DTNBP1: variants seen among roughly 807,000 people sequenced by gnomAD.
DTNBP1 encodes dystrobrevin binding protein 1.
In DTNBP1, 35 loss-of-function variants were observed where a neutral mutation model predicts 42.8. The ratio of observed to expected loss-of-function variants is 0.82; its 90% CI spans 0.63 to 1.09. The LOEUF (loss-of-function observed/expected upper bound fraction) is 1.09, where lower values mean the gene tolerates loss of function less well. Among genes scored for constraint, DTNBP1 ranks in the 50% least tolerant of loss-of-function variants. DTNBP1 has a pLI of 0.00. For missense variants in DTNBP1, 457 were observed against 424.2 expected (o/e 1.08, Z -0.68); for synonymous variants, 171 against 162.2 (o/e 1.05, Z -0.41).
intron 1 of DTNBP1, chr6:15,660,375 T>C (rs1761534734): frequency 7.8e-7 from 1 of 1,289,758 alleles, no homozygotes; most frequent in Non-Finnish European, 1.0e-6. Flanking sequence ...ATGTAGGAAA[T>C]TGAGGACCTG....
At chr6:15,658,003 A>G (rs1761380356) in intron 1 of DTNBP1, among the ~76,000 whole-genome samples, 1 of 152,114 alleles carries the variant, frequency 6.6e-6, no homozygotes, top group Admixed American at 6.6e-5. Flanking sequence ...CACATACCAC[A>G]CTATTTGTAT....
At chr6:15,532,133 A>AG (rs762115680) in intron 8 of DTNBP1, among the ~76,000 whole-genome samples, 8 of 152,182 alleles carry the variant, frequency 5.3e-5, no homozygotes, top group African/African-American at 7.2e-5. Context: ...GGAGAATGGG[A>AG]GGGCAGGAAA....
At chr6:15,565,460 A>G (rs1273997265) in intron 7 of DTNBP1, among the ~76,000 whole-genome samples, 1 of 152,232 alleles carries the variant, frequency 6.6e-6, no homozygotes, top group Non-Finnish European at 1.5e-5. Context: ...ATGGATAAAT[A>G]AAATGTAATA....
intron 8 of DTNBP1, among the ~76,000 whole-genome samples, chr6:15,531,930 C>G (rs1772862143): frequency 6.6e-6 from 1 of 152,218 alleles, no homozygotes; most frequent in African/African-American, 2.4e-5. Flanking sequence ...CTGCGCCTGG[C>G]CTCATTCTCG....
intron 7 of DTNBP1, among the ~76,000 whole-genome samples, chr6:15,543,127 C>T (rs78666677): frequency 1.1e-4 from 16 of 152,100 alleles, no homozygotes; most frequent in Admixed American, 9.8e-4. Flanking sequence ...GGGACTTTTC[C>T]TATTATAGAT....
intron 3 of DTNBP1, among the ~76,000 whole-genome samples, chr6:15,647,701 C>T (rs1760766499): frequency 1.3e-5 from 2 of 151,684 alleles, no homozygotes; most frequent in African/African-American, 4.8e-5. Context: ...CTGAAGTGGA[C>T]AAATTCCCAC....
chr6:15,589,499 C>T (rs1561977765), intron 7 of DTNBP1, among the ~76,000 whole-genome samples: 1 of 152,234 alleles, frequency 6.6e-6, no homozygotes, highest in Non-Finnish European at 1.5e-5. Flanking sequence ...GTCTCACTAG[C>T]ATCCATGGTT....
At chr6:15,614,886 A>C (rs1016092845) in intron 6 of DTNBP1, among the ~76,000 whole-genome samples, 5 of 152,192 alleles carry the variant, frequency 3.3e-5, no homozygotes, top group African/African-American at 1.2e-4. Flanking sequence ...GCCCCTTTCC[A>C]CAGCCTGAGC....
chr6:15,540,160 T>C (rs1773475354), intron 7 of DTNBP1, among the ~76,000 whole-genome samples: 1 of 152,086 alleles, frequency 6.6e-6, no homozygotes, highest in Non-Finnish European at 1.5e-5. Flanking sequence ...TCAGTACTCT[T>C]AATAAATCTG....
chr6:15,616,284 T>G (rs371440641), intron 5 of DTNBP1, among the ~76,000 whole-genome samples: 1 of 152,216 alleles, frequency 6.6e-6, no homozygotes. Flanking sequence ...GGTCAAAGAT[T>G]TGAGAACTCA....
chr6:15,631,487 C>A (rs1037981050), intron 4 of DTNBP1, among the ~76,000 whole-genome samples: 1 of 152,184 alleles, frequency 6.6e-6, no homozygotes, highest in Non-Finnish European at 1.5e-5. Flanking sequence ...GGGATTCATA[C>A]ATATTGATAC....
intron 4 of DTNBP1, 41 bp from the exon 5 acceptor site, chr6:15,627,516 T>C: frequency 6.2e-7 from 1 of 1,612,462 alleles, no homozygotes; most frequent in Non-Finnish European, 8.5e-7. Context: ...AACCAGGTTT[T>C]AGGCACAAAG....
At chr6:15,549,205 G>T (rs1173237181) in intron 7 of DTNBP1, among the ~76,000 whole-genome samples, 1 of 152,152 alleles carries the variant, frequency 6.6e-6, no homozygotes, top group Non-Finnish European at 1.5e-5. Context: ...GGGAACCTGA[G>T]ACCGGGCATG....
intron 7 of DTNBP1, chr6:15,548,438 G>GACACAGAC (rs1554159367): frequency 2.2e-5 from 3 of 136,592 alleles, no homozygotes; most frequent in African/African-American, 8.3e-5. Context: ...AACACACACA[G>GACACAGAC]ACACACACAC....
chr6:15,557,138 C>A (rs1342996616), intron 7 of DTNBP1, among the ~76,000 whole-genome samples: 1 of 152,018 alleles, frequency 6.6e-6, no homozygotes, highest in Non-Finnish European at 1.5e-5. Flanking sequence ...AGAGTTAATA[C>A]CATAACATAC....
chr6:15,563,291 T>C (rs1774923795), intron 7 of DTNBP1, among the ~76,000 whole-genome samples: 1 of 152,192 alleles, frequency 6.6e-6, no homozygotes, highest in Non-Finnish European at 1.5e-5. Context: ...AAAATCTTCA[T>C]GGCCTCAGGT....
intron 6 of DTNBP1, among the ~76,000 whole-genome samples, chr6:15,610,857 C>T (rs993907093): frequency 2.6e-5 from 4 of 152,300 alleles, no homozygotes; most frequent in South Asian, 2.1e-4. Context: ...GAGGTTGGTT[C>T]ATGGAATTTA....
At chr6:15,542,697 A>C (rs1426885420) in intron 7 of DTNBP1, among the ~76,000 whole-genome samples, 1 of 149,166 alleles carries the variant, frequency 6.7e-6, no homozygotes, top group Admixed American at 6.7e-5. Context: ...AATTATTTGC[A>C]TTTTTTTCTT....
intron 3 of DTNBP1, among the ~76,000 whole-genome samples, chr6:15,639,028 C>A (rs1252238793): frequency 6.6e-6 from 1 of 151,806 alleles, no homozygotes; most frequent in Non-Finnish European, 1.5e-5. Flanking sequence ...GTACTGAGGT[C>A]ATGAAAGACA....
Sources: gnomAD v4.1 joint callset for allele counts (sites outside exome capture counted in the v4.1 genomes callset) on GRCh38, gnomAD v4.1.1 for gene constraint, MANE v1.5 for transcripts, NCBI Gene and HGNC (gene_info 2026-07-23, HGNC 2026-07-21) for gene names.